KIFAP3: variants seen among roughly 807,000 people sequenced by gnomAD.
The protein encoded by KIFAP3 is kinesin-associated protein 3.
KIFAP3 carries 68 observed loss-of-function variants against 106.5 expected under a neutral mutation model. The observed-to-expected ratio is 0.64, with a 90% CI of 0.53 to 0.78. The LOEUF (loss-of-function observed/expected upper bound fraction) is 0.78. KIFAP3 is among the 30% of genes least tolerant of loss of function. KIFAP3 has a pLI of 0.00. For missense variants in KIFAP3, 780 were observed against 941.8 expected, an observed-to-expected ratio of 0.83 and a Z score of 2.25; for synonymous variants, 320 against 311.5, an observed-to-expected ratio of 1.03 and a Z score of -0.29.
At chr1:170,007,255 A>G (rs1668011980) in intron 10 of KIFAP3, among the ~76,000 whole-genome samples, 1 of 151,718 alleles carries the variant, frequency 6.6e-6, no homozygotes, top group African/African-American at 2.4e-5. Flanking sequence ...GTGTAAAACA[A>G]TGAGGGGAGG....
intron 19 of KIFAP3, among the ~76,000 whole-genome samples, chr1:169,926,703 A>ACG (rs906594907): frequency 3.4e-5 from 5 of 148,608 alleles, no homozygotes; most frequent in African/African-American, 1.2e-4. Flanking sequence ...ACACACACAC[A>ACG]CATTCAAAAT....
At chr1:169,981,397 CTCAGT>C (rs1047593035) in intron 15 of KIFAP3, among the ~76,000 whole-genome samples, 6 of 152,150 alleles carry the variant, frequency 3.9e-5, no homozygotes, top group African/African-American at 1.2e-4. Flanking sequence ...TAGTAGCCAT[CTCAGT>C]TATCAGGTCC....
chr1:169,974,208 C>A (rs371576199), intron 16 of KIFAP3, among the ~76,000 whole-genome samples: 1 of 151,752 alleles, frequency 6.6e-6, no homozygotes, highest in Non-Finnish European at 1.5e-5. Flanking sequence ...AATAAAGAAA[C>A]CTTGGTGAAT....
At chr1:169,948,720 G>T (rs1284380033) in intron 19 of KIFAP3, among the ~76,000 whole-genome samples, 3 of 151,954 alleles carry the variant, frequency 2.0e-5, no homozygotes, top group Admixed American at 1.3e-4. Flanking sequence ...AAGGAATTTT[G>T]CAGGCATATT....
intron 12 of KIFAP3, 139 bp from the exon 13 acceptor site, chr1:169,983,521 G>A: frequency 3.1e-6 from 2 of 643,478 alleles, no homozygotes; most frequent in Middle Eastern, 2.5e-4. Context: ...TAATTTAGAT[G>A]CAACCCATAC....
chr1:169,968,757 A>G (rs565760089), intron 17 of KIFAP3, among the ~76,000 whole-genome samples: 105 of 147,520 alleles, frequency 7.1e-4, no homozygotes, highest in East Asian at 2.9e-3. Flanking sequence ...ACTAAATAAA[A>G]TTTATTTAAG....
At chr1:170,021,941 CTTTTTTTTTT>C (rs71125221) in intron 9 of KIFAP3, among the ~76,000 whole-genome samples, 29 of 77,884 alleles carry the variant, frequency 3.7e-4, no homozygotes, top group Non-Finnish European at 6.5e-4. Context: ...TCTTTTCTTT[CTTTTTTTTTT>C]TTTTTTTTTT....
At chr1:170,036,304 G>A (rs1669692421) in intron 5 of KIFAP3, among the ~76,000 whole-genome samples, 1 of 151,866 alleles carries the variant, frequency 6.6e-6, no homozygotes, top group South Asian at 2.1e-4. Flanking sequence ...AGATACTCAG[G>A]ATTTACAATA....
intron 8 of KIFAP3, among the ~76,000 whole-genome samples, chr1:170,030,926 A>G (rs1669373275): frequency 6.6e-6 from 1 of 151,810 alleles, no homozygotes; most frequent in Non-Finnish European, 1.5e-5. Flanking sequence ...CAAATTATAT[A>G]CTTTAAAACT....
chr1:169,973,124 A>C (rs10525923), intron 16 of KIFAP3, among the ~76,000 whole-genome samples: 2 of 48,734 alleles, frequency 4.1e-5, no homozygotes, highest in East Asian at 1.1e-3. Context: ...TATATATATA[A>C]ACAACACAAA....
At chr1:169,930,696 T>C (rs1417315600) in intron 19 of KIFAP3, among the ~76,000 whole-genome samples, 1 of 152,242 alleles carries the variant, frequency 6.6e-6, no homozygotes, top group Non-Finnish European at 1.5e-5. Flanking sequence ...GAGAATTCAG[T>C]TCCATCTTCC....
At chr1:170,064,131 T>C (rs1671318698) in intron 1 of KIFAP3, among the ~76,000 whole-genome samples, 1 of 152,228 alleles carries the variant, frequency 6.6e-6, no homozygotes. Context: ...ACCTTGATAT[T>C]AATGCCAATA....
intron 16 of KIFAP3, among the ~76,000 whole-genome samples, chr1:169,977,249 T>C (rs1443623773): frequency 2.0e-5 from 3 of 152,180 alleles, no homozygotes; most frequent in South Asian, 4.1e-4. Context: ...AGAGGCTGTG[T>C]AGATGACAAT....
Position 170,009,103 on chromosome 1 carries a change from G to A in KIFAP3, c.1183+7359C>T, listed in dbSNP as rs185977085. Among the ~76,000 whole-genome samples the A allele has an allele frequency of 9.2e-5, 14 of 152,094 alleles. No individual in the cohort carries two copies. In the East Asian group the frequency reaches 2.1e-3, roughly 23 times the overall value. ...TGGACATCACACACCAGGACCTGTC[G>A]GGTGGTGGGGGGAAGGGGCAGGAAT... On this transcript the variant is annotated intron_variant, in intron 10 of 19. Coordinates refer to ENST00000361580, the MANE Select transcript of KIFAP3 (RefSeq NM_014970.4).
At chr1:170,005,214 G>A (rs1263250820) in intron 10 of KIFAP3, among the ~76,000 whole-genome samples, 1 of 152,056 alleles carries the variant, frequency 6.6e-6, no homozygotes, top group Non-Finnish European at 1.5e-5. Flanking sequence ...AACAACAGGT[G>A]CTGGAGAGGA....
chr1:170,034,708 T>A (rs559466336), intron 6 of KIFAP3, among the ~76,000 whole-genome samples: 2 of 151,920 alleles, frequency 1.3e-5, no homozygotes, highest in African/African-American at 4.8e-5. Context: ...ATAGTTATTT[T>A]TAAGAAGTTA....
intron 2 of KIFAP3, among the ~76,000 whole-genome samples, chr1:170,053,992 T>TG (rs1178513892): frequency 6.6e-6 from 1 of 152,108 alleles, no homozygotes; most frequent in African/African-American, 2.4e-5. Flanking sequence ...AATTGACAAA[T>TG]GGGATCTAAT....
intron 19 of KIFAP3, among the ~76,000 whole-genome samples, chr1:169,924,530 G>T (rs1663017630): frequency 6.6e-6 from 1 of 152,080 alleles, no homozygotes; most frequent in African/African-American, 2.4e-5. Flanking sequence ...CTTTGACATA[G>T]GTCCTAGGTC....
intron 19 of KIFAP3, among the ~76,000 whole-genome samples, chr1:169,947,552 A>ATAC (rs1664502690): frequency 6.6e-6 from 1 of 151,768 alleles, no homozygotes; most frequent in Non-Finnish European, 1.5e-5. Flanking sequence ...CTTGCATTCA[A>ATAC]TGATATTTTT....
Sources: gnomAD v4.1 joint callset for allele counts (sites outside exome capture counted in the v4.1 genomes callset) on GRCh38, gnomAD v4.1.1 for gene constraint, MANE v1.5 for transcripts, NCBI Gene and HGNC (gene_info 2026-07-23, HGNC 2026-07-21) for gene names.